GCC2: variants seen among roughly 807,000 people sequenced by gnomAD.
GCC2 encodes the protein GRIP and coiled-coil domain containing 2, also known as GRIP and coiled-coil domain-containing protein 2.
Under a neutral mutation model 210.6 loss-of-function variants are expected in GCC2, and 120 were observed. The ratio of observed to expected loss-of-function variants is 0.57; its 90% CI spans 0.49 to 0.66. GCC2 has a LOEUF of 0.66. Ranked by LOEUF, GCC2 falls within the 30% of genes least tolerant of loss-of-function variation. GCC2 has a pLI of 0.00. For missense variants in GCC2, 1,868 were observed against 1,871.9 expected, an observed-to-expected ratio of 1.00 and a Z score of 0.04; for synonymous variants, 703 against 652.7, an observed-to-expected ratio of 1.08 and a Z score of -1.17.
In GCC2 at chr2:108,482,273, AT is replaced by A. The variant is rs1188737846; in HGVS notation, c.3181-11del. The A allele has an allele frequency of 1.1e-5, 17 of 1,516,986 alleles. No homozygotes were observed. In the Admixed American group the frequency reaches 2.1e-4, roughly 18 times the overall value. 94.0% of individuals were successfully genotyped at this position (1,516,986 alleles called of 1,614,324 possible). The stretch of plus-strand genomic sequence containing the variant: ...TTTTGCATGTTTATAGTAATGAATC[AT>A]TTGTCATTTCAGTGTGAAACAATAA... On this transcript the variant is annotated splice_polypyrimidine_tract_variant and intron_variant, in intron 10 of 22. Transcript: ENST00000309863.
rs545517714 is a variant in GCC2, at chr2:108,472,421, G to C, written c.2787+305G>C. ...AAAACAACTAAACATGGAAAAACTTGAGTTTCATTCTCGTGTGATATGCTT... is the reference window on the plus strand; with the variant it reads ...AAAACAACTAAACATGGAAAAACTTCAGTTTCATTCTCGTGTGATATGCTT... On this transcript the variant is annotated intron_variant, in intron 6 of 22. Transcript: ENST00000309863. Among the ~76,000 whole-genome samples the C allele has an allele frequency of 2.0e-5, 3 of 152,164 alleles. No individual in the cohort carries two copies. The South Asian group carries it at 6.2e-4, about 32-fold the overall frequency.
chr2:108,498,183 CTTTTTTTTTTTTTTTTTTTTT>C lies in GCC2; in HGVS notation c.4782+1084_4782+1104del, dbSNP rs3084885. Among the ~76,000 whole-genome samples, 33 of 57,482 alleles carry C rather than the reference CTTTTTTTTTTTTTTTTTTTTT, an allele frequency of 5.7e-4. No individual in the cohort carries two copies. In the South Asian group the frequency reaches 0.023, roughly 41 times the overall value. The allele number at this position is 57,482 out of a possible 152,430, so 37.7% of individuals were successfully genotyped here. A position where few individuals can be genotyped will look rare whatever the true frequency, so the allele number is the denominator to read the frequency against. Reference sequence around the variant, plus strand: ...ATGACTTATTTAAATGTTATATTTTCTTTTTTTTTTTTTTTTTTTTTTTTTTTTTTGAGATAGAGTCTCGCT... The same window carrying C: ...ATGACTTATTTAAATGTTATATTTTCTTTTTTTTTGAGATAGAGTCTCGCT... On this transcript the variant is annotated intron_variant, in intron 21 of 22. Transcript: ENST00000309863.
rs773730114 is a variant in GCC2, at chr2:108,471,150, T to C, written c.1821T>C (p.His607=). ...TTATAAATAAACTGAAAAATTCCCATGAAGAAATGGATAATTTCCATAAGA... is the reference window on the plus strand; with the variant it reads ...TTATAAATAAACTGAAAAATTCCCACGAAGAAATGGATAATTTCCATAAGA... ...DDFINKLKNS[H]EEMDNFHKKC... is the part of the protein sequence containing the mutation. The change falls in exon 6 of 23, where the codon CAT becomes CAC. Residue 607 remains histidine (H), a synonymous_variant. Transcript: ENST00000309863. 1.3e-6 allele frequency: 2 copies of C among 1,591,174 alleles called. No individual in the cohort carries two copies. Among genetic ancestry groups the C allele is most frequent in the East Asian group, 2.2e-5 (1 of 44,714 alleles).
At chr2:108,507,410 C>CA in intron 22 of GCC2, 150 bp from the exon 23 acceptor site, 11 of 364,072 alleles carry the variant, frequency 3.0e-5, no homozygotes, top group South Asian at 5.1e-5. Context: ...AAAGAACCCC[C>CA]CCCCCCAAAA....
intron 3 of GCC2, among the ~76,000 whole-genome samples, chr2:108,451,841 C>CTCT (rs895123684): frequency 2.4e-5 from 3 of 124,926 alleles, no homozygotes; most frequent in African/African-American, 5.9e-5. Context: ...CTCTCTCTCT[C>CTCT]TTTTTTTTTT....
Position 108,495,418 on chromosome 2 carries a change from T to A in GCC2, c.4575T>A (p.Ser1525=). The A allele has an allele frequency of 6.3e-7, 1 of 1,593,148 alleles. No homozygotes were observed. Among genetic ancestry groups the A allele is most frequent in the South Asian group, 1.1e-5 (1 of 90,860 alleles). The part of the protein sequence containing the change: ...GEGMETTDTE[S]VSSASTYTQS... The stretch of plus-strand genomic sequence containing the variant: ...GCATGGAGACAACTGATACGGAGTC[T>A]GTGTCTTCCGCCAGCACATACACAC... The change falls in exon 20 of 23, where the codon TCT becomes TCA. Residue 1525 remains serine, a synonymous_variant. Transcript: ENST00000309863.
intron 22 of GCC2, among the ~76,000 whole-genome samples, chr2:108,506,540 C>T (rs1030173605): frequency 1.6e-4 from 24 of 152,144 alleles, no homozygotes; most frequent in Non-Finnish European, 2.8e-4. Flanking sequence ...GTGCATTTGT[C>T]AAGACTCAGT....
Position 108,472,002 on chromosome 2 carries a change from A to G in GCC2, c.2673A>G (p.Lys891=), listed in dbSNP as rs1235725178. 3 of 1,602,018 alleles carry G rather than the reference A, an allele frequency of 1.9e-6. No homozygotes were observed. The Admixed American group carries it at 5.2e-5, about 28-fold the overall frequency. Residue 891 remains lysine, a synonymous_variant, in exon 6 of 23, where the codon AAA becomes AAG. Transcript: ENST00000309863. ...AAGAAGTATCTCAAACATGTAGCAA[A>G]AGTGAAATCCATAATGAAAAAGAAA... ...QVEEVSQTCS[K]SEIHNEKEKC...
At chr2:108,480,006 A>AAC (rs1553440601) in intron 9 of GCC2, among the ~76,000 whole-genome samples, 39 of 121,182 alleles carry the variant, frequency 3.2e-4, no homozygotes, top group African/African-American at 1.2e-3. Flanking sequence ...AAAAAAAAAA[A>AAC]AAACGAAAAA....
At chr2:108,478,491 T>C (rs2104468668) in intron 9 of GCC2, among the ~76,000 whole-genome samples, 1 of 152,350 alleles carries the variant, frequency 6.6e-6, no homozygotes, top group East Asian at 1.9e-4. Flanking sequence ...TCACTTGTAA[T>C]AACTTGTATC....
chr2:108,500,540 A>G (rs149604426), intron 22 of GCC2, among the ~76,000 whole-genome samples: 3,767 of 152,232 alleles, frequency 0.025, 60 homozygotes, highest in African/African-American at 0.032. Context: ...AAAAAAAACT[A>G]TGATGTAGTT....
chr2:108,469,959 T>C lies in GCC2; in HGVS notation c.630T>C (p.Asp210=), dbSNP rs371673633. The C allele has an allele frequency of 4.3e-6, 7 of 1,613,326 alleles. No homozygotes were observed. The highest frequency in any genetic ancestry group is 1.1e-5 in the South Asian group (1 of 90,998). The change falls in exon 6 of 23, where the codon GAT becomes GAC. Residue 210 remains aspartate (D), a synonymous_variant. Coordinates refer to ENST00000309863, the MANE Select transcript of GCC2 (RefSeq NM_181453.4). ...YLQKQLDATT[D]EKKETVTQLQ... Reference sequence around the variant, plus strand: ...AAAAGCAATTAGACGCTACCACTGATGAAAAGAAGGAAACAGTTACTCAAC... The same window carrying C: ...AAAAGCAATTAGACGCTACCACTGACGAAAAGAAGGAAACAGTTACTCAAC...
chr2:108,464,702 A>C (rs748726554), intron 4 of GCC2, among the ~76,000 whole-genome samples: 3 of 152,128 alleles, frequency 2.0e-5, no homozygotes, highest in African/African-American at 7.2e-5. Flanking sequence ...TTGCATTGCT[A>C]TGAAGAAATA....
intron 4 of GCC2, among the ~76,000 whole-genome samples, chr2:108,457,768 T>C (rs1213252782): frequency 6.6e-6 from 1 of 152,226 alleles, no homozygotes; most frequent in Non-Finnish European, 1.5e-5. Context: ...ATTGTTGGTA[T>C]ATAGAAATGC....
chr2:108,492,631 A>G lies in GCC2; in HGVS notation c.4288A>G (p.Ser1430Gly). 1 of 1,613,878 alleles carries G rather than the reference A, an allele frequency of 6.2e-7. No homozygotes were observed. The highest frequency in any genetic ancestry group is 8.5e-7 in the Non-Finnish European group (1 of 1,179,728). The stretch of plus-strand genomic sequence containing the variant: ...GAAATCTGAACATACACAGACTGTG[A>G]GTCAGCTAACATCCCAGAACGAGGT... ...MMKSEHTQTV[S>G]QLTSQNEVLR... The change falls in exon 19 of 23, where the codon AGT becomes GGT. Residue 1430 changes from serine to glycine, a missense_variant. By Grantham distance (56) the Ser-to-Gly change is moderately conservative (BLOSUM62 0). Transcript: ENST00000309863.
intron 19 of GCC2, chr2:108,493,768 T>C: frequency 1.0e-6 from 1 of 985,330 alleles, no homozygotes; most frequent in Non-Finnish European, 1.2e-6. Flanking sequence ...CAGAAGAATT[T>C]AACATATGCC....
chr2:108,456,786 C>CA (rs1284814176), intron 4 of GCC2, among the ~76,000 whole-genome samples: 1 of 151,578 alleles, frequency 6.6e-6, no homozygotes, highest in African/African-American at 2.4e-5. Context: ...TCCGTTTCTA[C>CA]AAAAAAATAT....
intron 22 of GCC2, among the ~76,000 whole-genome samples, chr2:108,505,655 C>A (rs145783024): frequency 6.6e-6 from 1 of 152,066 alleles, no homozygotes; most frequent in African/African-American, 2.4e-5. Flanking sequence ...ATTCTTCCAA[C>A]TACCACATAA....
At chr2:108,495,571 T>C in intron 20 of GCC2, 86 bp downstream of exon 20, 1 of 883,452 alleles carries the variant, frequency 1.1e-6, no homozygotes, top group Non-Finnish European at 1.7e-6. Context: ...ATATGCTTTT[T>C]TGGGCTGCTC....
Sources: gnomAD v4.1 joint callset for allele counts (sites outside exome capture counted in the v4.1 genomes callset) on GRCh38, gnomAD v4.1.1 for gene constraint, MANE v1.5 for transcripts, NCBI Gene and HGNC (gene_info 2026-07-23, HGNC 2026-07-21) for gene names.